BCAR3: variants seen among roughly 807,000 people sequenced by gnomAD.
BCAR3 encodes BCAR3 adaptor protein, NSP family member, also known as breast cancer anti-estrogen resistance protein 3.
Under a neutral mutation model 80.1 loss-of-function variants are expected in BCAR3, and 37 were observed. The ratio of observed to expected loss-of-function variants is 0.46; its 90% CI spans 0.36 to 0.61. The LOEUF is 0.61. BCAR3 is among the 20% of genes least tolerant of loss of function. BCAR3 has a pLI of 0.00. For synonymous variants in BCAR3, 389 were observed against 418.9 expected (o/e 0.93, Z 0.87); for missense variants, 978 against 1,068.2 (o/e 0.92, Z 1.18).
chr1:93,769,172 C>T (rs972919176), intron 2 of BCAR3, among the ~76,000 whole-genome samples: 1 of 152,168 alleles, frequency 6.6e-6, no homozygotes, highest in African/African-American at 2.4e-5. Context: ...CACACCCACA[C>T]CGTTAGGCTG....
At position 93,807,170 on chromosome 1, in the gene BCAR3, C is replaced by G. The variant is rs368002304; in HGVS notation, c.-63+38397G>C. 2.6e-4 allele frequency among the ~76,000 whole-genome samples: 40 copies of G among 151,960 alleles called. 3 individuals are homozygous for G. Among genetic ancestry groups the G allele is most frequent in the Admixed American group, 1.2e-3 (19 of 15,268 alleles). ...GAGCATATGTCTTTGATTGATATGG[C>G]CTGTAGGGGTGGAGGAAAGCCTCCT... On this transcript the variant is annotated intron_variant, in intron 2 of 13. Transcript: ENST00000370244.
At chr1:93,577,697 C>T (rs561189977) in intron 7 of BCAR3, among the ~76,000 whole-genome samples, 56 of 152,332 alleles carry the variant, frequency 3.7e-4, no homozygotes, top group African/African-American at 1.2e-3. Flanking sequence ...CCCAGACGCA[C>T]GCCATGCACG....
intron 2 of BCAR3, among the ~76,000 whole-genome samples, chr1:93,817,137 C>T (rs1654049436): frequency 6.6e-6 from 1 of 152,242 alleles, no homozygotes. Context: ...GGAATCCCTG[C>T]TTCTGCTTTA....
chr1:93,671,950 C>G (rs976837613), intron 2 of BCAR3, among the ~76,000 whole-genome samples: 1 of 151,810 alleles, frequency 6.6e-6, no homozygotes, highest in Non-Finnish European at 1.5e-5. Flanking sequence ...ACTTTACGAC[C>G]CTTTAACAGA....
At chr1:93,666,733 T>C (rs1038263189) in intron 2 of BCAR3, among the ~76,000 whole-genome samples, 11 of 152,198 alleles carry the variant, frequency 7.2e-5, no homozygotes, top group Non-Finnish European at 1.5e-5. Context: ...TTTTGTGTAT[T>C]AGTACGATGG....
intron 7 of BCAR3, among the ~76,000 whole-genome samples, chr1:93,579,853 G>T (rs1398924316): frequency 6.6e-6 from 1 of 152,234 alleles, no homozygotes; most frequent in Non-Finnish European, 1.5e-5. Flanking sequence ...CTCAGATTCA[G>T]GGCCCAATGT....
At chr1:93,595,155 T>TAG (rs1674371638) in intron 3 of BCAR3, among the ~76,000 whole-genome samples, 1 of 152,160 alleles carries the variant, frequency 6.6e-6, no homozygotes, top group Non-Finnish European at 1.5e-5. Flanking sequence ...GGAAAGTACC[T>TAG]AGAGAGAGAG....
intron 3 of BCAR3, among the ~76,000 whole-genome samples, chr1:93,640,840 C>A (rs1570997258): frequency 2.0e-5 from 3 of 152,350 alleles, no homozygotes. Context: ...AGTACACTTG[C>A]TGAGCACAGC....
chr1:93,691,055 G>C (rs1353455236), intron 3 of BCAR3, among the ~76,000 whole-genome samples: 1 of 152,194 alleles, frequency 6.6e-6, no homozygotes, highest in Non-Finnish European at 1.5e-5. Context: ...TCATTCTGGG[G>C]TAAAATATCA....
At chr1:93,722,045 G>A (rs529518988) in intron 2 of BCAR3, among the ~76,000 whole-genome samples, 1 of 152,342 alleles carries the variant, frequency 6.6e-6, no homozygotes, top group Admixed American at 6.5e-5. Flanking sequence ...ACTGTCCTGA[G>A]TGCATAGGGA....
At chr1:93,568,648 C>T (rs57824149) in intron 9 of BCAR3, among the ~76,000 whole-genome samples, 124 of 152,248 alleles carry the variant, frequency 8.1e-4, no homozygotes, top group African/African-American at 2.8e-3. Flanking sequence ...CCTGTCTATA[C>T]GCACACCCCT....
At chr1:93,734,288 G>A (rs1454568619) in intron 2 of BCAR3, among the ~76,000 whole-genome samples, 1 of 152,230 alleles carries the variant, frequency 6.6e-6, no homozygotes, top group Non-Finnish European at 1.5e-5. Flanking sequence ...TCAAACTGGA[G>A]TGCATGGATA....
intron 2 of BCAR3, among the ~76,000 whole-genome samples, chr1:93,773,003 C>G (rs887978263): frequency 6.6e-6 from 1 of 152,158 alleles, no homozygotes; most frequent in Non-Finnish European, 1.5e-5. Flanking sequence ...CCCAGATTTT[C>G]TGACTCCTAA....
intron 2 of BCAR3, among the ~76,000 whole-genome samples, chr1:93,772,208 G>T (rs1378769153): frequency 6.6e-6 from 1 of 152,322 alleles, no homozygotes; most frequent in East Asian, 1.9e-4. Context: ...GCCACTGAAG[G>T]CTTTTAAGCA....
At chr1:93,688,807 T>C (rs1409359281) in intron 3 of BCAR3, among the ~76,000 whole-genome samples, 2 of 151,002 alleles carry the variant, frequency 1.3e-5, no homozygotes, top group Non-Finnish European at 2.9e-5. Flanking sequence ...TGTTTGTTTT[T>C]TGTATTTTTA....
chr1:93,615,864 A>T (rs1307638036), intron 3 of BCAR3, among the ~76,000 whole-genome samples: 1 of 152,150 alleles, frequency 6.6e-6, no homozygotes, highest in Non-Finnish European at 1.5e-5. Flanking sequence ...CCTTCAAGCT[A>T]AAAACCTCCC....
rs1384125929 is a variant in BCAR3, at chr1:93,718,699, T to C, written c.-62-12557A>G. Among the ~76,000 whole-genome samples the C allele has an allele frequency of 2.7e-4, 30 of 112,814 alleles. 3 individuals are homozygous for C. Among genetic ancestry groups the C allele is most frequent in the Admixed American group, 1.2e-3 (13 of 11,260 alleles). The allele number at this position is 112,814 out of a possible 152,430, so 74.0% of individuals were successfully genotyped here. On this transcript the variant is annotated intron_variant, in intron 2 of 13. Transcript: ENST00000370244. Reference sequence around the variant, plus strand: ...ACTACATTGTTTTTCTTTTTTTTTTTTTTTTTTTTTTTTGAGACGGGGTTT... The same window carrying C: ...ACTACATTGTTTTTCTTTTTTTTTTCTTTTTTTTTTTTTGAGACGGGGTTT...
intron 8 of BCAR3, among the ~76,000 whole-genome samples, chr1:93,573,637 T>TA (rs369885815): frequency 0.032 from 4,595 of 145,072 alleles, 106 homozygotes; most frequent in Middle Eastern, 0.058. Flanking sequence ...ATTATTATTT[T>TA]TTTTTTTTTG....
chr1:93,756,140 G>A (rs1651741061), intron 2 of BCAR3, among the ~76,000 whole-genome samples: 1 of 152,220 alleles, frequency 6.6e-6, no homozygotes, highest in Non-Finnish European at 1.5e-5. Flanking sequence ...GGATTTGAGA[G>A]TGATCTATAA....
Sources: allele counts gnomAD v4.1 joint callset (sites outside exome capture counted in the v4.1 genomes callset), GRCh38; gene constraint gnomAD v4.1.1; transcripts MANE v1.5; gene names NCBI Gene and HGNC (gene_info 2026-07-23, HGNC 2026-07-21).